Variants in TXLNB observed in about 807,000 individuals in gnomAD.
TXLNB encodes the protein beta-taxilin.
In TXLNB, 37 loss-of-function variants were observed where a neutral mutation model predicts 57.4. The observed-to-expected ratio is 0.64, with a 90% CI of 0.50 to 0.85. The LOEUF is 0.85. TXLNB is among the 40% of genes least tolerant of loss of function. The pLI is 0.00. For synonymous variants in TXLNB, 302 were observed against 309.6 expected, an observed-to-expected ratio of 0.98 and a Z score of 0.26; for missense variants, 848 against 825.6, an observed-to-expected ratio of 1.03 and a Z score of -0.33.
At chr6:139,297,645 C>G in the TXLNB span, among the ~76,000 whole-genome samples, 1 of 152,084 alleles carries the variant, frequency 6.6e-6, no homozygotes, top group Non-Finnish European at 1.5e-5. Context: ...ATTTCCTACT[C>G]CATAGAATGG....
At chr6:139,244,726 A>G (rs745834245) in intron 8 of TXLNB, 36 bp from the exon 9 acceptor site, 1 of 1,460,630 alleles carries the variant, frequency 6.8e-7, no homozygotes, top group Non-Finnish European at 9.6e-7. Context: ...TTAATCTTGA[A>G]AAGTTAATAT....
chr6:139,277,335 C>T (rs1408065357), intron 2 of TXLNB, among the ~76,000 whole-genome samples: 4 of 152,156 alleles, frequency 2.6e-5, no homozygotes, highest in Non-Finnish European at 5.9e-5. Flanking sequence ...TCAAAATTTC[C>T]GACTAGTATG....
At chr6:139,169,457 G>A in the TXLNB span, 2 of 152,072 alleles carry the variant, frequency 1.3e-5, no homozygotes, top group Non-Finnish European at 2.9e-5. Context: ...GTAATTTCTT[G>A]TGCTACCTTT....
chr6:139,212,116 A>C, the TXLNB span, among the ~76,000 whole-genome samples: 1 of 152,170 alleles, frequency 6.6e-6, no homozygotes, highest in Non-Finnish European at 1.5e-5. Context: ...CAAATTCAGG[A>C]AATACAGAGA....
At chr6:139,185,594 G>C in the TXLNB span, among the ~76,000 whole-genome samples, 1 of 152,222 alleles carries the variant, frequency 6.6e-6, no homozygotes, top group South Asian at 2.1e-4. Flanking sequence ...CCAGCTGCTC[G>C]GGAGGCTGAG....
chr6:139,223,730 T>C, the TXLNB span, among the ~76,000 whole-genome samples: 1 of 151,818 alleles, frequency 6.6e-6, no homozygotes, highest in Non-Finnish European at 1.5e-5. Context: ...GAAATGCAAA[T>C]CAAAACCACA....
At chr6:139,167,658 A>G in the TXLNB span, among the ~76,000 whole-genome samples, 1 of 152,204 alleles carries the variant, frequency 6.6e-6, no homozygotes, top group Non-Finnish European at 1.5e-5. Flanking sequence ...TAATGGGCCC[A>G]TCTAGCTGTG....
the TXLNB span, among the ~76,000 whole-genome samples, chr6:139,305,088 C>T: frequency 6.6e-6 from 1 of 152,102 alleles, no homozygotes; most frequent in African/African-American, 2.4e-5. Flanking sequence ...ATCATGAATT[C>T]AACGTAACTT....
At chr6:139,204,044 TA>T in the TXLNB span, among the ~76,000 whole-genome samples, 3 of 148,384 alleles carry the variant, frequency 2.0e-5, no homozygotes, top group Non-Finnish European at 4.5e-5. Context: ...AAGTTTCCAT[TA>T]ATGTCCTAAT....
At chr6:139,223,889 G>A in the TXLNB span, among the ~76,000 whole-genome samples, 858 of 151,310 alleles carry the variant, frequency 5.7e-3, 4 homozygotes, top group Non-Finnish European at 0.01. Flanking sequence ...TCAGTGTGGC[G>A]ATTCCTCAGG....
Position 139,265,143 on chromosome 6 carries a change from A to G in TXLNB, c.688-2370T>C, listed in dbSNP as rs142380661. Among the ~76,000 whole-genome samples, 920 of 152,266 alleles carry G rather than the reference A, an allele frequency of 6.0e-3. 8 individuals are homozygous for G. Among genetic ancestry groups the G allele is most frequent in the African/African-American group, 0.021 (885 of 41,556 alleles). On this transcript the variant is annotated intron_variant, in intron 4 of 9. Transcript: ENST00000358430. ...AAATGTTTATTTAATGAATCAGTGAATTATTAATTTATGTACAGACATATG... is the reference window on the plus strand; with the variant it reads ...AAATGTTTATTTAATGAATCAGTGAGTTATTAATTTATGTACAGACATATG...
the TXLNB span, among the ~76,000 whole-genome samples, chr6:139,192,929 C>T: frequency 6.6e-6 from 1 of 151,586 alleles, no homozygotes; most frequent in South Asian, 2.1e-4. Flanking sequence ...TGCCACTGCA[C>T]TCCAGCCTGG....
the TXLNB span, among the ~76,000 whole-genome samples, chr6:139,305,239 T>C: frequency 1.3e-5 from 2 of 152,172 alleles, no homozygotes; most frequent in Non-Finnish European, 2.9e-5. Flanking sequence ...TTGATTGATG[T>C]GTTGTGAAAG....
chr6:139,225,918 G>A, the TXLNB span, among the ~76,000 whole-genome samples: 1 of 152,128 alleles, frequency 6.6e-6, no homozygotes, highest in Non-Finnish European at 1.5e-5. Flanking sequence ...CAGCTATAAA[G>A]ATTTATTATG....
chr6:139,160,607 G>A, the TXLNB span, among the ~76,000 whole-genome samples: 8 of 152,140 alleles, frequency 5.3e-5, no homozygotes, highest in Admixed American at 2.0e-4. Flanking sequence ...TGGAGACGGA[G>A]TCTCACTATG....
At position 139,242,485 on chromosome 6, in the gene TXLNB, T is replaced by C. The variant is rs9321711; in HGVS notation, c.*41A>G. ...GGAAGACAAGCTGTTATGCTGAATA[T>C]GCAAAGAGGCAGGAAGAAGCCTCTG... On this transcript the variant is annotated 3_prime_UTR_variant, in exon 10 of 10. Coordinates refer to ENST00000358430, the MANE Select transcript of TXLNB (RefSeq NM_153235.4). The C allele has an allele frequency of 0.089, 128,638 of 1,447,760 alleles. 6,093 individuals carry two copies. Among genetic ancestry groups the C allele is most frequent in the Middle Eastern group, 0.12 (440 of 3,790 alleles). The allele number at this position is 1,447,760 out of a possible 1,614,324, so 89.7% of individuals were successfully genotyped here.
intron 7 of TXLNB, among the ~76,000 whole-genome samples, chr6:139,252,942 ACAT>A (rs1776246380): frequency 6.6e-6 from 1 of 152,348 alleles, no homozygotes; most frequent in East Asian, 1.9e-4. Context: ...CAGTGAGCTG[ACAT>A]CATGCCACTG....
intron 4 of TXLNB, among the ~76,000 whole-genome samples, chr6:139,268,496 T>C (rs1343172518): frequency 6.6e-6 from 1 of 152,220 alleles, no homozygotes; most frequent in Non-Finnish European, 1.5e-5. Flanking sequence ...CTATAAAAAT[T>C]AAATAACACT....
At chr6:139,262,509 C>G (rs1776508338) in intron 5 of TXLNB, 70 bp downstream of exon 5, 1 of 1,382,810 alleles carries the variant, frequency 7.2e-7, no homozygotes, top group Non-Finnish European at 9.7e-7. Context: ...GTCTTATTAA[C>G]CAAGTTCCCA....
Sources: allele counts gnomAD v4.1 joint callset (sites outside exome capture counted in the v4.1 genomes callset), GRCh38; gene constraint gnomAD v4.1.1; transcripts MANE v1.5; gene names NCBI Gene and HGNC (gene_info 2026-07-23, HGNC 2026-07-21).